ATP8A1: variants seen among roughly 807,000 people sequenced by gnomAD.
ATP8A1 encodes the protein phospholipid-transporting ATPase IA.
Under a neutral mutation model 177.7 loss-of-function variants are expected in ATP8A1, and 90 were observed. That is an observed-to-expected ratio of 0.51 (90% CI 0.43 to 0.60). The LOEUF (loss-of-function observed/expected upper bound fraction) is 0.60. Among genes scored for constraint, ATP8A1 ranks in the 20% least tolerant of loss-of-function variants. The pLI, the probability that ATP8A1 is intolerant of heterozygous loss-of-function variation, is 0.00. For synonymous variants in ATP8A1, 493 were observed against 485.9 expected, an observed-to-expected ratio of 1.01 and a Z score of -0.19; for missense variants, 1,072 against 1,392.8, an observed-to-expected ratio of 0.77 and a Z score of 3.67.
At chr4:42,419,113 T>C (rs1220516087) in intron 35 of ATP8A1, among the ~76,000 whole-genome samples, 2 of 152,262 alleles carry the variant, frequency 1.3e-5, no homozygotes, top group Non-Finnish European at 2.9e-5. Context: ...AATTCTATGT[T>C]TTTATGAATC....
In ATP8A1 at chr4:42,600,508, A is replaced by G. The variant is rs758081743; in HGVS notation, c.420T>C (p.Asn140=). 2 of 1,609,600 alleles carry G rather than the reference A, an allele frequency of 1.2e-6. No homozygotes were observed. Among genetic ancestry groups the G allele is most frequent in the African/African-American group, 2.7e-5 (2 of 74,654 alleles). Residue 140 remains asparagine, a synonymous_variant, in exon 6 of 37, where the codon AAT becomes AAC. Transcript: ENST00000381668. ...VNKKQTQVLR[N]GAWEIVHWEK... Reference sequence around the variant, plus strand: ...CCCAGTGGACAATTTCCCAAGCACCATTTCTCAAAACTGGAAAGAGAAAAG... The same window carrying G: ...CCCAGTGGACAATTTCCCAAGCACCGTTTCTCAAAACTGGAAAGAGAAAAG...
chr4:42,551,380 A>G (rs1729488229), intron 17 of ATP8A1, 100 bp from the exon 18 acceptor site: 1 of 807,812 alleles, frequency 1.2e-6, no homozygotes, highest in Non-Finnish European at 2.0e-6. Flanking sequence ...CTGTTTAATT[A>G]AAGTTCTTTT....
intron 25 of ATP8A1, among the ~76,000 whole-genome samples, chr4:42,470,171 T>A (rs1376273993): frequency 1.3e-5 from 2 of 152,236 alleles, no homozygotes; most frequent in East Asian, 3.8e-4. Flanking sequence ...TTCTCTTCCC[T>A]GTGGCTCCAC....
In ATP8A1 at chr4:42,579,974, G is replaced by A. The variant is rs1443981394; in HGVS notation, c.839C>T (p.Ser280Leu). 2.5e-6 allele frequency: 4 copies of A among 1,595,320 alleles called. No individual in the cohort carries two copies. Reference sequence around the variant, plus strand: ...TGAGAGCTTAAGTGGTGGACTTGTTGAATTCTGTAAAAAGAAACAAGATGA... The same window carrying A: ...TGAGAGCTTAAGTGGTGGACTTGTTAAATTCTGTAAAAAGAAACAAGATGA... ...TGHDTKLMQNSTSPPLKLSNV... is the reference protein window; with the variant it reads ...TGHDTKLMQNLTSPPLKLSNV... The change falls in exon 11 of 37, where the codon TCA becomes TTA. Residue 280 changes from serine to leucine, a missense_variant. Around this residue, in one of 5 missense-constraint regions of ATP8A1, gnomAD observed 344 missense variants for 393.5 expected, o/e 0.87. Coordinates refer to ENST00000381668, the MANE Select transcript of ATP8A1 (RefSeq NM_006095.2).
At chr4:42,628,395 T>C (rs565637260) in intron 1 of ATP8A1, among the ~76,000 whole-genome samples, 57 of 152,226 alleles carry the variant, frequency 3.7e-4, no homozygotes, top group African/African-American at 1.3e-3. Context: ...AACAGGGCAG[T>C]GCTGCTGGAG....
intron 6 of ATP8A1, chr4:42,594,358 T>G: frequency 6.4e-7 from 1 of 1,570,532 alleles, no homozygotes; most frequent in Non-Finnish European, 8.8e-7. Flanking sequence ...ATCTCCAACA[T>G]TTACCTGAAA....
chr4:42,608,950 T>C (rs1262384114), intron 5 of ATP8A1, among the ~76,000 whole-genome samples: 2 of 152,186 alleles, frequency 1.3e-5, no homozygotes, highest in Non-Finnish European at 2.9e-5. Context: ...TGGCACAAAC[T>C]GACATGGCAC....
chr4:42,523,382 T>A (rs567908657), intron 21 of ATP8A1, among the ~76,000 whole-genome samples: 1 of 152,318 alleles, frequency 6.6e-6, no homozygotes, highest in South Asian at 2.1e-4. Flanking sequence ...ATGCTAGGCT[T>A]AGTGATCTCA....
rs755055422 is a variant in ATP8A1, at chr4:42,444,590, T to A, written c.3003A>T (p.Ser1001=). ...TVCLKAGLET[S]YWTWFSHIAI... ...GATATTTTCTTACCCATGTCCAATA[T>A]GATGTCTCCAATCCAGCTTTCAAAC... The change falls in exon 32 of 37, where the codon TCA becomes TCT. Residue 1001 remains serine, a synonymous_variant. Coordinates refer to ENST00000381668, the MANE Select transcript of ATP8A1 (RefSeq NM_006095.2). 1.2e-6 allele frequency: 2 copies of A among 1,613,866 alleles called. No individual in the cohort carries two copies. Among genetic ancestry groups the A allele is most frequent in the Non-Finnish European group, 1.7e-6 (2 of 1,179,864 alleles).
intron 33 of ATP8A1, among the ~76,000 whole-genome samples, chr4:42,438,588 T>C (rs1196851004): frequency 6.6e-6 from 1 of 152,072 alleles, no homozygotes; most frequent in Non-Finnish European, 1.5e-5. Context: ...CTGGGCACTT[T>C]TTTAAAGAGA....
chr4:42,423,806 A>T lies in ATP8A1; in HGVS notation c.3124-101T>A. The T allele has an allele frequency of 5.4e-6, 4 of 744,952 alleles. No individual in the cohort carries two copies. In the Admixed American group the frequency reaches 9.2e-5, roughly 17 times the overall value. 46.1% of individuals were successfully genotyped at this position (744,952 alleles called of 1,614,324 possible). A position where few individuals can be genotyped will look rare whatever the true frequency, so the allele number is the denominator to read the frequency against. On this transcript the variant is annotated intron_variant, in intron 33 of 36. Coordinates refer to ENST00000381668, the MANE Select transcript of ATP8A1 (RefSeq NM_006095.2). ...TAAGTGAAACAATTTTAAGAATATC[A>T]TTCTGTAAGAGAGTATACAACTCTG... is the stretch of plus-strand genomic sequence containing the variant.
intron 8 of ATP8A1, 150 bp downstream of exon 8, chr4:42,588,110 T>C: frequency 1.8e-6 from 1 of 545,688 alleles, no homozygotes; most frequent in Non-Finnish European, 3.2e-6. Context: ...TACTTAACAA[T>C]ACCAGTTTAT....
chr4:42,436,645 T>C (rs1160025034), intron 33 of ATP8A1, among the ~76,000 whole-genome samples: 3 of 152,198 alleles, frequency 2.0e-5, no homozygotes, highest in Non-Finnish European at 4.4e-5. Flanking sequence ...CTCACAGTCA[T>C]TGGCTCATTG....
chr4:42,483,965 T>C (rs1721949316), intron 25 of ATP8A1, among the ~76,000 whole-genome samples: 1 of 152,242 alleles, frequency 6.6e-6, no homozygotes, highest in Non-Finnish European at 1.5e-5. Flanking sequence ...TTTATCTTAA[T>C]ACTTCTGTAT....
At chr4:42,455,228 T>C in intron 29 of ATP8A1, 69 bp downstream of exon 29, 1 of 1,581,814 alleles carries the variant, frequency 6.3e-7, no homozygotes, top group Non-Finnish European at 8.6e-7. Context: ...GAAAACCACA[T>C]ACCCCATATA....
At chr4:42,538,855 C>T (rs1560435221) in intron 20 of ATP8A1, among the ~76,000 whole-genome samples, 2 of 152,154 alleles carry the variant, frequency 1.3e-5, no homozygotes, top group Non-Finnish European at 2.9e-5. Flanking sequence ...GTGGAGATTC[C>T]TTAAAGAACT....
intron 5 of ATP8A1, among the ~76,000 whole-genome samples, chr4:42,615,719 C>T (rs1736837891): frequency 6.6e-6 from 1 of 150,556 alleles, no homozygotes; most frequent in South Asian, 2.1e-4. Flanking sequence ...CTGTAGATTA[C>T]AAACAAAATA....
intron 1 of ATP8A1, among the ~76,000 whole-genome samples, chr4:42,656,043 TG>T (rs1348638507): frequency 2.0e-5 from 3 of 152,216 alleles, no homozygotes; most frequent in Non-Finnish European, 4.4e-5. Context: ...GCCTGCCACA[TG>T]GCAGGCAGGA....
intron 15 of ATP8A1, among the ~76,000 whole-genome samples, chr4:42,568,797 A>C (rs1420659902): frequency 6.6e-6 from 1 of 152,152 alleles, no homozygotes; most frequent in African/African-American, 2.4e-5. Context: ...TGTAAAGTAC[A>C]TAAGTAGCGG....
Sources: gnomAD v4.1 joint callset for allele counts (sites outside exome capture counted in the v4.1 genomes callset) on GRCh38, gnomAD v4.1.1 for gene constraint, gnomAD v4.1.1 regional missense constraint, MANE v1.5 for transcripts, NCBI Gene and HGNC (gene_info 2026-07-23, HGNC 2026-07-21) for gene names.